CRACD: variants seen among roughly 807,000 people sequenced by gnomAD.
CRACD encodes capping protein inhibiting regulator of actin dynamics.
In CRACD, 56 loss-of-function variants were observed where a neutral mutation model predicts 106.8. The ratio of observed to expected loss-of-function variants is 0.52; its 90% CI spans 0.42 to 0.66. The LOEUF (loss-of-function observed/expected upper bound fraction) is 0.66, where lower values mean the gene tolerates loss of function less well. Ranked by LOEUF, CRACD falls within the 30% of genes least tolerant of loss-of-function variation. The probability of loss-of-function intolerance (pLI) is 0.00; values close to 1 mark genes in which losing one functional copy is unlikely to be tolerated. For synonymous variants in CRACD, 754 were observed against 670.8 expected, an observed-to-expected ratio of 1.12 and a Z score of -1.92; for missense variants, 1,730 against 1,623.2, an observed-to-expected ratio of 1.07 and a Z score of -1.13.
At position 56,324,205 on chromosome 4, in the gene CRACD, G is replaced by A; in HGVS notation, c.3480G>A (p.Val1160=). 1.9e-6 allele frequency: 3 copies of A among 1,614,244 alleles called. No individual in the cohort carries two copies. The highest frequency in any genetic ancestry group is 1.1e-5 in the South Asian group (1 of 91,084). Reference sequence around the variant, plus strand: ...AAGAGAAGAGGCCCGAGACTGCAGTGTCCAGGCTTGAGCGCAGAGAACAGC... The same window carrying A: ...AAGAGAAGAGGCCCGAGACTGCAGTATCCAGGCTTGAGCGCAGAGAACAGC... ...LPEEKRPETA[V]SRLERREQLK... Residue 1160 remains valine (V), a synonymous_variant, in exon 10 of 11, where the codon GTG becomes GTA. Transcript: ENST00000682029.
chr4:56,085,410 G>A (rs565229632), intron 1 of CRACD, among the ~76,000 whole-genome samples: 1 of 151,972 alleles, frequency 6.6e-6, no homozygotes. Context: ...ATGTGGTGGT[G>A]GGTAAAGCAC....
At chr4:56,162,398 G>A (rs77494228) in intron 1 of CRACD, among the ~76,000 whole-genome samples, 1 of 152,098 alleles carries the variant, frequency 6.6e-6, no homozygotes, top group South Asian at 2.1e-4. Flanking sequence ...TTAAGAAATA[G>A]GGGTCTGGCT....
At chr4:56,062,416 A>C (rs1732308986) in intron 1 of CRACD, among the ~76,000 whole-genome samples, 1 of 152,196 alleles carries the variant, frequency 6.6e-6, no homozygotes, top group Non-Finnish European at 1.5e-5. Flanking sequence ...GAGGCATGTG[A>C]ACATTCATCT....
chr4:56,245,763 T>C (rs563504097), intron 2 of CRACD, among the ~76,000 whole-genome samples: 47 of 152,284 alleles, frequency 3.1e-4, no homozygotes, highest in Admixed American at 3.1e-3. Context: ...CTATATTCTG[T>C]CTCAAACACT....
chr4:56,298,788 C>G (rs1218912189), intron 4 of CRACD, among the ~76,000 whole-genome samples: 2 of 152,070 alleles, frequency 1.3e-5, no homozygotes, highest in African/African-American at 4.8e-5. Flanking sequence ...CAAAAATTAG[C>G]TGGATGTGGT....
chr4:56,101,487 G>C (rs979737460), intron 1 of CRACD, among the ~76,000 whole-genome samples: 4 of 152,152 alleles, frequency 2.6e-5, no homozygotes, highest in African/African-American at 9.7e-5. Context: ...TGTTGGCCGG[G>C]TGCAGTGGCT....
intron 2 of CRACD, among the ~76,000 whole-genome samples, chr4:56,217,217 T>G (rs1164054084): frequency 6.6e-6 from 1 of 152,130 alleles, no homozygotes; most frequent in African/African-American, 2.4e-5. Context: ...ACATACTGAT[T>G]ATGTAAACCA....
At chr4:56,292,263 G>T (rs1054111467) in intron 3 of CRACD, among the ~76,000 whole-genome samples, 2 of 152,202 alleles carry the variant, frequency 1.3e-5, no homozygotes, top group East Asian at 3.9e-4. Context: ...TTAAGATGTG[G>T]CCTGGCTGCT....
chr4:56,227,478 C>A (rs550397189), intron 2 of CRACD, among the ~76,000 whole-genome samples: 5 of 150,040 alleles, frequency 3.3e-5, no homozygotes, highest in Non-Finnish European at 7.4e-5. Flanking sequence ...CTTTCTGAAT[C>A]TACTGGCAGC....
intron 9 of CRACD, 127 bp downstream of exon 9, chr4:56,323,694 T>C (rs1746251282): frequency 3.4e-6 from 3 of 878,370 alleles, no homozygotes; most frequent in East Asian, 2.8e-5. Context: ...AAGCAGTAAA[T>C]AAACTGACCA....
At chr4:56,099,062 A>C (rs1052328827) in intron 1 of CRACD, among the ~76,000 whole-genome samples, 2 of 152,190 alleles carry the variant, frequency 1.3e-5, no homozygotes, top group Non-Finnish European at 2.9e-5. Context: ...ATTTGTGTAG[A>C]TTCAGTGACC....
intron 2 of CRACD, among the ~76,000 whole-genome samples, chr4:56,206,957 T>C (rs1314102571): frequency 3.3e-5 from 5 of 152,198 alleles, no homozygotes; most frequent in Admixed American, 6.5e-5. Context: ...ATTTAAAACT[T>C]GTAAGAGAAT....
intron 2 of CRACD, among the ~76,000 whole-genome samples, chr4:56,246,211 A>G (rs1311057284): frequency 6.6e-6 from 1 of 152,182 alleles, no homozygotes; most frequent in Non-Finnish European, 1.5e-5. Context: ...CTATCCTCTG[A>G]AAGTAGAAAG....
In CRACD at chr4:56,305,696, T is replaced by TA. The variant is rs367982188; in HGVS notation, c.121-1838dup. The stretch of plus-strand genomic sequence containing the variant: ...CCTGTGAGGCTGGGAGAGCCAGGCA[T>TA]ACAAGCCCTTGCCTGGCTGTGCTCC... On this transcript the variant is annotated intron_variant, in intron 4 of 10. Transcript: ENST00000682029. 3.9e-3 allele frequency among the ~76,000 whole-genome samples: 597 copies of TA among 152,328 alleles called. 1 individual carries two copies. The highest frequency in any genetic ancestry group is 0.014 in the African/African-American group (582 of 41,578).
rs886146243 is a variant in CRACD, at chr4:56,315,475, C to A, written c.1973C>A (p.Ser658Tyr). The change falls in exon 8 of 11, where the codon TCT (serine) becomes TAT (tyrosine). Residue 658 changes from serine (S) to tyrosine (Y), a missense_variant. By Grantham distance (144) the Ser-to-Tyr change is moderately radical. Coordinates refer to ENST00000682029, the MANE Select transcript of CRACD (RefSeq NM_001393381.1). The surrounding 1 kb of genome is among the most constrained non-coding windows in gnomAD (Gnocchi z 4.1). ...GSGKAKPRQE[S>Y]PSSASALAEW... is the part of the protein sequence containing the mutation. ...GGGAAGGCTAAGCCCCGCCAGGAGT[C>A]TCCCAGCAGCGCGTCCGCACTCGCA... 2.5e-6 allele frequency: 4 copies of A among 1,613,134 alleles called. No homozygotes were observed. In the African/African-American group the frequency reaches 5.3e-5, roughly 22 times the overall value.
intron 2 of CRACD, among the ~76,000 whole-genome samples, chr4:56,205,215 C>T (rs1183827722): frequency 6.6e-6 from 1 of 151,998 alleles, no homozygotes; most frequent in Admixed American, 6.6e-5. Context: ...CCATGCCCCC[C>T]CCGCCAAATA....
At chr4:56,063,569 CTTCTG>C (rs1295309369) in intron 1 of CRACD, among the ~76,000 whole-genome samples, 5 of 151,986 alleles carry the variant, frequency 3.3e-5, no homozygotes, top group Admixed American at 3.3e-4. Flanking sequence ...CCCCTGGTAA[CTTCTG>C]TTCTATTTTC....
At chr4:56,322,024 C>T (rs981835962) in intron 8 of CRACD, among the ~76,000 whole-genome samples, 3 of 152,200 alleles carry the variant, frequency 2.0e-5, no homozygotes, top group Non-Finnish European at 4.4e-5. Flanking sequence ...AGGTTCTGGA[C>T]TACCAAAGTG....
intron 3 of CRACD, among the ~76,000 whole-genome samples, chr4:56,273,032 A>G (rs2109649727): frequency 6.6e-6 from 1 of 152,238 alleles, no homozygotes; most frequent in East Asian, 1.9e-4. Context: ...GTGCACAGGA[A>G]TTGGGCATTC....
Sources: gnomAD v4.1 joint callset for allele counts (sites outside exome capture counted in the v4.1 genomes callset) on GRCh38, gnomAD v4.1.1 for gene constraint, Gnocchi (gnomAD v3.1) non-coding constraint, MANE v1.5 for transcripts, NCBI Gene and HGNC (gene_info 2026-07-23, HGNC 2026-07-21) for gene names.